WASHC2C: variants seen among roughly 807,000 people sequenced by gnomAD.
WASHC2C encodes WASH complex subunit 2C.
In WASHC2C, 73 loss-of-function variants were observed where a neutral mutation model predicts 142.2. The ratio of observed to expected loss-of-function variants is 0.51; its 90% CI spans 0.43 to 0.62. WASHC2C has a LOEUF of 0.62. Ranked by LOEUF, WASHC2C falls within the 20% of genes least tolerant of loss-of-function variation. The pLI is 0.00. For synonymous variants in WASHC2C, 337 were observed against 565.5 expected, an observed-to-expected ratio of 0.60 and a Z score of 5.73; for missense variants, 969 against 1,531.7, an observed-to-expected ratio of 0.63 and a Z score of 6.13.
chr10:45,785,776 T>C (rs199637503), intron 26 of WASHC2C, 145 bp downstream of exon 26: 31,789 of 1,418,032 alleles, frequency 0.022, 521 homozygotes, highest in East Asian at 0.076. Context: ...TCACTGCACT[T>C]CCCCCGAGTC....
intron 28 of WASHC2C, 53 bp from the exon 29 acceptor site, chr10:45,788,818 T>C: frequency 6.2e-7 from 1 of 1,612,060 alleles, no homozygotes. Context: ...CCATGGTAGC[T>C]TTGAACACTT....
intron 17 of WASHC2C, among the ~76,000 whole-genome samples, chr10:45,762,470 A>G (rs1466202540): frequency 2.0e-5 from 3 of 152,122 alleles, no homozygotes; most frequent in Non-Finnish European, 4.4e-5. Context: ...TGCTGGGATT[A>G]TAGACATGAG....
chr10:45,761,123 C>T (rs79563793), intron 17 of WASHC2C, among the ~76,000 whole-genome samples: 1 of 151,602 alleles, frequency 6.6e-6, no homozygotes, highest in African/African-American at 2.4e-5. Context: ...GCCGTTGTCA[C>T]TGAGGGTCTC....
At chr10:45,781,239 C>T (rs1381913676) in intron 23 of WASHC2C, among the ~76,000 whole-genome samples, 1 of 152,178 alleles carries the variant, frequency 6.6e-6, no homozygotes, top group Admixed American at 6.5e-5. Flanking sequence ...GATGGAAAGA[C>T]ATCTTGTGTT....
At chr10:45,758,757 G>A (rs1169027845) in intron 16 of WASHC2C, among the ~76,000 whole-genome samples, 54 of 151,132 alleles carry the variant, frequency 3.6e-4, no homozygotes, top group African/African-American at 1.2e-3. Flanking sequence ...ATATGCGTGC[G>A]CCACCATGCC....
At position 45,727,401 on chromosome 10, in the gene WASHC2C, G is replaced by T. The variant is rs1380327679; in HGVS notation, c.4-16G>T. On this transcript the variant is annotated splice_polypyrimidine_tract_variant and intron_variant, in intron 1 of 30. Transcript: ENST00000623400. ...GCCCTCAGGCTCAGCCTCTCTTCTC[G>T]TTTTTTTCGCTGCAGATGAACCGGA... 2 of 1,611,048 alleles carry T rather than the reference G, an allele frequency of 1.2e-6. No homozygotes were observed. Among genetic ancestry groups the T allele is most frequent in the Non-Finnish European group, 1.7e-6 (2 of 1,179,408 alleles).
chr10:45,764,036 G>A (rs2055474663), intron 18 of WASHC2C, among the ~76,000 whole-genome samples: 1 of 151,688 alleles, frequency 6.6e-6, no homozygotes, highest in Non-Finnish European at 1.5e-5. Context: ...AAATCTACAG[G>A]TTTTATTTTT....
In WASHC2C at chr10:45,728,462, G is replaced by C. The variant is rs186979884; in HGVS notation, c.127-400G>C. Reference sequence around the variant, plus strand: ...ACTTGTCAAACCAGCATTCCGGCCGGGCACAGTGGCTCACACCTGTAATCC... The same window carrying C: ...ACTTGTCAAACCAGCATTCCGGCCGCGCACAGTGGCTCACACCTGTAATCC... On this transcript the variant is annotated intron_variant, in intron 2 of 30. Coordinates refer to ENST00000623400, the MANE Select transcript of WASHC2C (RefSeq NM_001330074.2). Among the ~76,000 whole-genome samples the C allele has an allele frequency of 8.5e-5, 13 of 152,240 alleles. No individual in the cohort carries two copies. In the East Asian group the frequency reaches 2.5e-3, roughly 30 times the overall value.
At chr10:45,744,198 A>G (rs1478684308) in intron 6 of WASHC2C, among the ~76,000 whole-genome samples, 2 of 149,350 alleles carry the variant, frequency 1.3e-5, no homozygotes, top group Non-Finnish European at 3.0e-5. Flanking sequence ...AGCTGGGATT[A>G]CAGGTGCCCA....
chr10:45,737,934 T>C (rs2051469753), intron 3 of WASHC2C, 49 bp from the exon 4 acceptor site: 1 of 1,611,764 alleles, frequency 6.2e-7, no homozygotes, highest in South Asian at 1.1e-5. Context: ...TGTGATTTAT[T>C]TCCAATGACG....
Position 45,790,339 on chromosome 10 carries a change from ATTT to A in WASHC2C, c.3709-14_3709-12del. The A allele has an allele frequency of 6.2e-7, 1 of 1,609,490 alleles. No homozygotes were observed. Among genetic ancestry groups the A allele is most frequent in the Non-Finnish European group, 8.5e-7 (1 of 1,179,360 alleles). On this transcript the variant is annotated splice_polypyrimidine_tract_variant and intron_variant, in intron 29 of 30. Coordinates refer to ENST00000623400, the MANE Select transcript of WASHC2C (RefSeq NM_001330074.2). ...ATTGATTTAACATTGTTTTGTATGT[ATTT>A]TTGGCTTAACAAGGATGATATATTT...
intron 16 of WASHC2C, among the ~76,000 whole-genome samples, chr10:45,758,080 T>C (rs1178465457): frequency 4.6e-5 from 7 of 151,972 alleles, no homozygotes; most frequent in Non-Finnish European, 8.8e-5. Flanking sequence ...TTTTTTTTAA[T>C]ATCCAGCCAC....
chr10:45,738,056 A>T lies in WASHC2C; in HGVS notation c.354+11A>T. 6.2e-7 allele frequency: 1 copy of T among 1,611,942 alleles called. No individual in the cohort carries two copies. The highest frequency in any genetic ancestry group is 8.5e-7 in the Non-Finnish European group (1 of 1,179,858). The stretch of plus-strand genomic sequence containing the variant: ...GAAAAAACAGAGCAGGTACTTGTAT[A>T]AAATCACTCTTAGCTGAGTTTCTGA... On this transcript the variant is annotated intron_variant, in intron 4 of 30. Coordinates refer to ENST00000623400, the MANE Select transcript of WASHC2C (RefSeq NM_001330074.2).
intron 8 of WASHC2C, among the ~76,000 whole-genome samples, chr10:45,748,129 G>T (rs572600186): frequency 7.7e-6 from 1 of 129,276 alleles, no homozygotes; most frequent in South Asian, 2.8e-4. Flanking sequence ...ATCAAATGAA[G>T]GATTTTATAC....
chr10:45,787,095 G>A lies in WASHC2C; in HGVS notation c.2935G>A (p.Val979Ile). Reference sequence around the variant, plus strand: ...CACAGCGGCTTCCCAGATCTCTGAAGTAAAGCCTGTTTTGCCAGAATTGGC... The same window carrying A: ...CACAGCGGCTTCCCAGATCTCTGAAATAAAGCCTGTTTTGCCAGAATTGGC... The part of the protein sequence containing the change: ...LPTAASQISE[V>I]KPVLPELAFP... Residue 979 changes from valine (V) to isoleucine (I), a missense_variant, in exon 28 of 31, where the codon GTA (valine) becomes ATA (isoleucine). By Grantham distance (29) the Val-to-Ile change is conservative. Transcript: ENST00000623400. 6.2e-7 allele frequency: 1 copy of A among 1,605,926 alleles called. No homozygotes were observed. Among genetic ancestry groups the A allele is most frequent in the East Asian group, 2.2e-5 (1 of 44,760 alleles).
chr10:45,776,003 T>C (rs2057045107), intron 21 of WASHC2C, among the ~76,000 whole-genome samples: 1 of 152,202 alleles, frequency 6.6e-6, no homozygotes, highest in African/African-American at 2.4e-5. Context: ...TATGTAGTTT[T>C]CAGTGAGTCC....
intron 16 of WASHC2C, among the ~76,000 whole-genome samples, chr10:45,758,111 C>G (rs144118051): frequency 1.1e-3 from 167 of 152,008 alleles, no homozygotes; most frequent in African/African-American, 3.8e-3. Context: ...GAATGTGTCT[C>G]GTGAATTTGC....
chr10:45,769,652 A>G lies in WASHC2C; in HGVS notation c.2039+34A>G, dbSNP rs200441402. ...GTCATTGGAAGGAGTCCCTCACTCC[A>G]TTACCGTGGTAACAAGAAAAGGAAT... On this transcript the variant is annotated intron_variant, in intron 20 of 30. Coordinates refer to ENST00000623400, the MANE Select transcript of WASHC2C (RefSeq NM_001330074.2). 6,032 of 1,589,578 alleles carry G rather than the reference A, an allele frequency of 3.8e-3. 72 individuals are homozygous for G. The highest frequency in any genetic ancestry group is 0.012 in the East Asian group (514 of 44,176).
chr10:45,770,114 G>A (rs1202285915), intron 20 of WASHC2C, among the ~76,000 whole-genome samples: 5 of 151,410 alleles, frequency 3.3e-5, no homozygotes, highest in African/African-American at 7.3e-5. Flanking sequence ...GGTGGCACGC[G>A]CCTGTAGTCC....
Sources: allele counts gnomAD v4.1 joint callset (sites outside exome capture counted in the v4.1 genomes callset), GRCh38; gene constraint gnomAD v4.1.1; transcripts MANE v1.5; gene names NCBI Gene and HGNC (gene_info 2026-07-23, HGNC 2026-07-21).